Variants in TMEM47 observed in about 807,000 individuals in gnomAD.
TMEM47 encodes the protein transmembrane protein 47.
A neutral mutation model predicts 12.4 loss-of-function variants in TMEM47; 3 were observed. The observed-to-expected ratio is 0.24, with a 90% CI of 0.11 to 0.63. The LOEUF is 0.63. TMEM47 is among the 20% of genes least tolerant of loss of function. The pLI, the probability that TMEM47 is intolerant of heterozygous loss-of-function variation, is 0.86. For synonymous variants in TMEM47, 62 were observed against 63.3 expected, an observed-to-expected ratio of 0.98 and a Z score of 0.10; for missense variants, 89 against 143.8, an observed-to-expected ratio of 0.62 and a Z score of 1.95.
At chrX:34,636,303 C>G (rs1051013123) in intron 2 of TMEM47, among the ~76,000 whole-genome samples, 7 of 111,369 alleles carry the variant, frequency 6.3e-5, no homozygotes, top group African/African-American at 2.3e-4. Flanking sequence ...CTGCAGGACC[C>G]TGAAAAAACA....
chrX:34,654,086 T>C (rs888559628), intron 1 of TMEM47, among the ~76,000 whole-genome samples: 1 of 111,766 alleles, frequency 8.9e-6, no homozygotes, highest in Middle Eastern at 4.2e-3. Context: ...TGGTTCTACT[T>C]TTGCTTAAAA....
chrX:34,653,864 T>A (rs897378895), intron 1 of TMEM47, among the ~76,000 whole-genome samples: 2 of 111,488 alleles, frequency 1.8e-5, no homozygotes, highest in Admixed American at 9.6e-5. Context: ...CACTTTATTT[T>A]TTTTTTCTCT....
chrX:34,640,361 T>C (rs762578621), intron 1 of TMEM47, among the ~76,000 whole-genome samples: 1 of 112,146 alleles, frequency 8.9e-6, no homozygotes, highest in Non-Finnish European at 1.9e-5. Flanking sequence ...ATAAACCTTA[T>C]TGAAATGCAT....
intron 1 of TMEM47, among the ~76,000 whole-genome samples, chrX:34,642,958 T>C (rs1921844322): frequency 8.9e-6 from 1 of 111,794 alleles, no homozygotes; most frequent in African/African-American, 3.3e-5. Context: ...ATCAGGAAGC[T>C]GAAAAAGTGG....
At chrX:34,652,649 T>C (rs930964217) in intron 1 of TMEM47, among the ~76,000 whole-genome samples, 3 of 111,545 alleles carry the variant, frequency 2.7e-5, no homozygotes, top group Non-Finnish European at 5.6e-5. Flanking sequence ...TAAAAGTAAA[T>C]CTAAGGAACC....
intron 1 of TMEM47, among the ~76,000 whole-genome samples, chrX:34,646,159 T>G (rs1004186799): frequency 1.8e-5 from 2 of 111,746 alleles, no homozygotes; most frequent in African/African-American, 6.5e-5. Context: ...ACAATGTCAA[T>G]TTCATTCAAG....
At chrX:34,647,232 A>G (rs184328404) in intron 1 of TMEM47, among the ~76,000 whole-genome samples, 2 of 111,415 alleles carry the variant, frequency 1.8e-5, no homozygotes, top group African/African-American at 6.5e-5. Context: ...TGGTTTAGGG[A>G]CCTTAAACAT....
At chrX:34,634,090 A>G in intron 2 of TMEM47, among the ~76,000 whole-genome samples, 1 of 111,645 alleles carries the variant, frequency 9.0e-6, no homozygotes, top group Non-Finnish European at 1.9e-5. Context: ...TAAAGAGTTC[A>G]GAAGTCAGGA....
At chrX:34,641,351 C>T (rs1249600462) in intron 1 of TMEM47, among the ~76,000 whole-genome samples, 1 of 111,941 alleles carries the variant, frequency 8.9e-6, no homozygotes, top group Non-Finnish European at 1.9e-5. Context: ...AGCCTATGCT[C>T]CATATGTTCT....
At position 34,657,115 on chromosome X, in the gene TMEM47, G is replaced by A; in HGVS notation, c.-86C>T. 1 of 1,055,109 alleles carries A rather than the reference G, an allele frequency of 9.5e-7. No individual in the cohort carries two copies. Among genetic ancestry groups the A allele is most frequent in the Non-Finnish European group, 1.2e-6 (1 of 824,280 alleles). 87.0% of individuals were successfully genotyped at this position (1,055,109 alleles called of 1,213,427 possible). On this transcript the variant is annotated 5_prime_UTR_variant, in exon 1 of 3. Transcript: ENST00000275954. ...CCGGGAGCCGGACCTCCCGAAGGGAGAAGCCGCCGAGCTGCCACGCGCGGG... is the reference window on the plus strand; with the variant it reads ...CCGGGAGCCGGACCTCCCGAAGGGAAAAGCCGCCGAGCTGCCACGCGCGGG...
At chrX:34,643,056 C>T (rs771662708) in intron 1 of TMEM47, among the ~76,000 whole-genome samples, 7 of 111,352 alleles carry the variant, frequency 6.3e-5, no homozygotes, top group Non-Finnish European at 9.4e-5. Flanking sequence ...GGGCCTGTGG[C>T]ATCATATCTC....
chrX:34,639,589 A>T (rs1396965433), intron 1 of TMEM47, among the ~76,000 whole-genome samples: 2 of 111,752 alleles, frequency 1.8e-5, no homozygotes, highest in Non-Finnish European at 3.8e-5. Context: ...TAAGCTCAGC[A>T]GAGTTTTAGA....
At chrX:34,634,154 G>T (rs899356585) in intron 2 of TMEM47, among the ~76,000 whole-genome samples, 1 of 110,879 alleles carries the variant, frequency 9.0e-6, no homozygotes, top group African/African-American at 3.3e-5. Flanking sequence ...AACAAAATAG[G>T]CATTGGATAT....
At chrX:34,652,563 C>T (rs1243592477) in intron 1 of TMEM47, among the ~76,000 whole-genome samples, 1 of 111,883 alleles carries the variant, frequency 8.9e-6, no homozygotes, top group Admixed American at 9.5e-5. Context: ...CTAAGTGGCT[C>T]CCTGGGAATT....
rs756198060 is a variant in TMEM47 at position 34,641,283 on chromosome X, AATCCATCC to A, written c.227-1904_227-1897del. On this transcript the variant is annotated intron_variant, in intron 1 of 2. Transcript: ENST00000275954. Reference sequence around the variant, plus strand: ...TAAAAGTGTACAATGAAAAAAATAAAATCCATCCATCCATCCATCCATCCATCTATGCA... The same window carrying A: ...TAAAAGTGTACAATGAAAAAAATAAAATCCATCCATCCATCCATCTATGCA... Among the ~76,000 whole-genome samples the A allele has an allele frequency of 4.5e-5, 5 of 111,073 alleles. No individual in the cohort carries two copies. In the Admixed American group the frequency reaches 4.8e-4, roughly 11 times the overall value.
chrX:34,646,307 C>A (rs1340161230), intron 1 of TMEM47, among the ~76,000 whole-genome samples: 1 of 111,757 alleles, frequency 8.9e-6, no homozygotes, highest in Non-Finnish European at 1.9e-5. Context: ...ATAATCTAAA[C>A]ACAATAACAT....
chrX:34,657,153 CG>C lies in TMEM47; in HGVS notation c.-125del. 1 of 990,926 alleles carries C rather than the reference CG, an allele frequency of 1.0e-6. No individual in the cohort carries two copies. The highest frequency in any genetic ancestry group is 3.4e-5 in the South Asian group (1 of 29,433). 81.7% of individuals were successfully genotyped at this position (990,926 alleles called of 1,213,427 possible). On this transcript the variant is annotated 5_prime_UTR_variant, in exon 1 of 3. Coordinates refer to ENST00000275954, the MANE Select transcript of TMEM47 (RefSeq NM_031442.4). ...TGCCACGCGCGGGGACTCGCTCCCTCGGGGCTCTGCGCGCCCCCTGCCGCGC... is the reference window on the plus strand; with the variant it reads ...TGCCACGCGCGGGGACTCGCTCCCTCGGGCTCTGCGCGCCCCCTGCCGCGC...
intron 1 of TMEM47, 117 bp downstream of exon 1, chrX:34,656,677 CTGGACGGGGT>C: frequency 9.3e-7 from 1 of 1,077,326 alleles, no homozygotes; most frequent in Non-Finnish European, 1.2e-6. Context: ...CGAGAAGGGC[CTGGACGGGGT>C]GGGACGGGCC....
At chrX:34,645,496 T>C (rs72626893) in intron 1 of TMEM47, among the ~76,000 whole-genome samples, 3 of 111,665 alleles carry the variant, frequency 2.7e-5, no homozygotes, top group East Asian at 5.7e-4. Context: ...AGGTATCAAA[T>C]GATCTACTTA....
Sources: allele counts gnomAD v4.1 joint callset (sites outside exome capture counted in the v4.1 genomes callset), GRCh38; gene constraint gnomAD v4.1.1; transcripts MANE v1.5; gene names NCBI Gene and HGNC (gene_info 2026-07-23, HGNC 2026-07-21).